LTBP2: variants seen among roughly 807,000 people sequenced by gnomAD.
LTBP2 encodes latent transforming growth factor beta binding protein 2, also known as latent-transforming growth factor beta-binding protein 2.
In LTBP2, 103 loss-of-function variants were observed where a neutral mutation model predicts 210.6. The ratio of observed to expected loss-of-function variants is 0.49; its 90% CI spans 0.42 to 0.58. LTBP2 has a LOEUF of 0.58. Among genes scored for constraint, LTBP2 ranks in the 20% least tolerant of loss-of-function variants. The pLI, the probability that LTBP2 is intolerant of heterozygous loss-of-function variation, is 0.00. For missense variants in LTBP2, 2,313 were observed against 2,494.5 expected (o/e 0.93, Z 1.55); for synonymous variants, 1,007 against 1,015.0 (o/e 0.99, Z 0.15).
intron 3 of LTBP2, among the ~76,000 whole-genome samples, chr14:74,561,144 C>CG (rs2087788437): frequency 6.6e-6 from 1 of 151,986 alleles, no homozygotes; most frequent in African/African-American, 2.4e-5. Context: ...CATGGTGAAA[C>CG]CTGTCTCTAC....
At chr14:74,535,848 T>C in intron 9 of LTBP2, 78 bp downstream of exon 9, 1 of 1,322,448 alleles carries the variant, frequency 7.6e-7, no homozygotes, top group Non-Finnish European at 1.1e-6. Context: ...ACTCGGCCAG[T>C]GACAGACACC....
intron 3 of LTBP2, among the ~76,000 whole-genome samples, chr14:74,571,463 G>A (rs2087976990): frequency 6.6e-6 from 1 of 152,332 alleles, no homozygotes; most frequent in East Asian, 1.9e-4. Flanking sequence ...CTACAGATGA[G>A]AACACTGAAG....
intron 1 of LTBP2, among the ~76,000 whole-genome samples, chr14:74,607,914 GTTTT>G (rs1403931240): frequency 7.1e-6 from 1 of 139,884 alleles, no homozygotes; most frequent in Non-Finnish European, 1.6e-5. Flanking sequence ...ACTAGACTAT[GTTTT>G]TTTTTTTTTT....
intron 4 of LTBP2, 93 bp from the exon 5 acceptor site, chr14:74,553,155 T>G: frequency 8.0e-7 from 1 of 1,244,290 alleles, no homozygotes; most frequent in Non-Finnish European, 1.2e-6. Context: ...GGACTAGGGC[T>G]GCATTCATCT....
At chr14:74,510,575 C>T (rs1037078668) in intron 19 of LTBP2, among the ~76,000 whole-genome samples, 8 of 152,244 alleles carry the variant, frequency 5.3e-5, no homozygotes, top group Non-Finnish European at 4.4e-5. Flanking sequence ...GACCTCCTAC[C>T]GGCCAACCAA....
rs116919190 is a variant in LTBP2, at chr14:74,544,990, C to T, written c.1789+4873G>A. On this transcript the variant is annotated intron_variant, in intron 8 of 35. Transcript: ENST00000261978. ...GGCAATTATTTCTCTTAACGCAGGC[C>T]GGGGCTACATGTTGCTAACCTGCCC... is the stretch of plus-strand genomic sequence containing the variant. Among the ~76,000 whole-genome samples the T allele has an allele frequency of 1.6e-3, 245 of 152,194 alleles. 1 individual carries two copies. The highest frequency in any genetic ancestry group is 2.4e-3 in the Non-Finnish European group (160 of 68,016).
chr14:74,508,263 G>A (rs369992039), intron 24 of LTBP2, among the ~76,000 whole-genome samples, 168 bp from the exon 25 acceptor site: 3 of 152,082 alleles, frequency 2.0e-5, no homozygotes, highest in African/African-American at 7.3e-5. Context: ...GCACCGGGGT[G>A]GGGGTGAGGG....
At chr14:74,589,419 A>ATC (rs1166158419) in intron 2 of LTBP2, among the ~76,000 whole-genome samples, 3 of 152,230 alleles carry the variant, frequency 2.0e-5, no homozygotes, top group Non-Finnish European at 4.4e-5. Flanking sequence ...AGACCAGTCT[A>ATC]TCAGCAGAGA....
chr14:74,558,428 T>C (rs1041525522), intron 3 of LTBP2, among the ~76,000 whole-genome samples: 2 of 152,112 alleles, frequency 1.3e-5, no homozygotes, highest in African/African-American at 4.8e-5. Context: ...GCAAACTCCC[T>C]CCGAGGACTT....
chr14:74,529,144 G>A (rs1256398343), intron 10 of LTBP2, 22 bp from the exon 11 acceptor site: 2 of 1,551,012 alleles, frequency 1.3e-6, no homozygotes, highest in African/African-American at 2.7e-5. Flanking sequence ...ACAGCACGTG[G>A]AGGTGGGCAG....
intron 7 of LTBP2, among the ~76,000 whole-genome samples, chr14:74,550,356 C>T (rs1297796964): frequency 6.6e-6 from 1 of 152,356 alleles, no homozygotes; most frequent in East Asian, 1.9e-4. Flanking sequence ...CTCAGGGACA[C>T]CCCAAGGTGA....
intron 3 of LTBP2, among the ~76,000 whole-genome samples, chr14:74,581,310 T>C (rs1442091880): frequency 1.3e-5 from 2 of 152,122 alleles, no homozygotes; most frequent in African/African-American, 4.8e-5. Context: ...AAAAGGAAAT[T>C]AGGGTTACCG....
At chr14:74,552,147 C>G (rs748365522) in intron 6 of LTBP2, 40 bp downstream of exon 6, 2 of 1,549,158 alleles carry the variant, frequency 1.3e-6, no homozygotes, top group South Asian at 2.3e-5. Flanking sequence ...AACTGGCACT[C>G]CTCCCAGGGT....
At position 74,506,729 on chromosome 14, in the gene LTBP2, G is replaced by A. The variant is rs751669966; in HGVS notation, c.4002C>T (p.Phe1334=). 8.7e-6 allele frequency: 14 copies of A among 1,613,882 alleles called. No individual in the cohort carries two copies. The highest frequency in any genetic ancestry group is 4.5e-5 in the East Asian group (2 of 44,868). The change falls in exon 27 of 36, where the codon TTC becomes TTT. Residue 1334 remains phenylalanine (F), a synonymous_variant. Transcript: ENST00000261978. ...GSFRCLCDQG[F]EISPSGWDCV... ...AGTCCCAGCCTGAGGGAGAGATCTC[G>A]AAGCCCTGGTCACAGAGGCAGCGGA...
intron 9 of LTBP2, among the ~76,000 whole-genome samples, chr14:74,533,424 G>C (rs2087377251): frequency 6.6e-6 from 1 of 152,146 alleles, no homozygotes; most frequent in Non-Finnish European, 1.5e-5. Flanking sequence ...GTGGAGAAGG[G>C]GCAGCCAAGT....
At position 74,522,811 on chromosome 14, in the gene LTBP2, G is replaced by A. The variant is rs1169216294; in HGVS notation, c.2638C>T (p.Pro880Ser). The A allele has an allele frequency of 1.2e-6, 2 of 1,611,310 alleles. No homozygotes were observed. The highest frequency in any genetic ancestry group is 3.3e-5 in the Admixed American group (2 of 59,812). Residue 880 changes from proline (P) to serine (S), a missense_variant, in exon 16 of 36, where the codon CCC becomes TCC. Transcript: ENST00000261978. ...CVCSPGYQLH[P>S]SQAYCTDDNE... ...ATACCTGTGCAGTAGGCCTGGCTGGGGTGCAGCTGGTAGCCAGGGCTGCAG... is the reference window on the plus strand; with the variant it reads ...ATACCTGTGCAGTAGGCCTGGCTGGAGTGCAGCTGGTAGCCAGGGCTGCAG...
At chr14:74,511,111 C>T in intron 19 of LTBP2, 134 bp downstream of exon 19, 2 of 1,429,256 alleles carry the variant, frequency 1.4e-6, no homozygotes, top group East Asian at 2.3e-5. Flanking sequence ...CATCTGGGAA[C>T]CCAGCTAGAT....
chr14:74,504,231 G>A (rs765441691), intron 30 of LTBP2, among the ~76,000 whole-genome samples, 177 bp from the exon 31 acceptor site: 2 of 152,228 alleles, frequency 1.3e-5, no homozygotes. Flanking sequence ...TAGAGTTGTT[G>A]TAAGGATGAA....
At chr14:74,564,455 C>T (rs576002941) in intron 3 of LTBP2, among the ~76,000 whole-genome samples, 34 of 136,616 alleles carry the variant, frequency 2.5e-4, no homozygotes, top group Non-Finnish European at 9.1e-5. Context: ...AGTGCAGTGA[C>T]GCAGTCTCGG....
Sources: gnomAD v4.1 joint callset for allele counts (sites outside exome capture counted in the v4.1 genomes callset) on GRCh38, gnomAD v4.1.1 for gene constraint, MANE v1.5 for transcripts, NCBI Gene and HGNC (gene_info 2026-07-23, HGNC 2026-07-21) for gene names.